CDYL: variants seen among roughly 807,000 people sequenced by gnomAD.
CDYL encodes the protein chromodomain Y like.
CDYL carries 8 observed loss-of-function variants against 47.3 expected under a neutral mutation model. The observed-to-expected ratio is 0.17, with a 90% CI of 0.10 to 0.31. The LOEUF is 0.31. Ranked by LOEUF, CDYL falls within the 10% of genes least tolerant of loss-of-function variation. The probability of loss-of-function intolerance (pLI) is 1.00; values close to 1 mark genes in which losing one functional copy is unlikely to be tolerated. For missense variants in CDYL, 471 were observed against 701.4 expected (o/e 0.67, Z 3.71); for synonymous variants, 266 against 265.0 (o/e 1.00, Z -0.04).
At chr6:4,835,882 C>T (rs1760286436) in intron 1 of CDYL, among the ~76,000 whole-genome samples, 1 of 152,218 alleles carries the variant, frequency 6.6e-6, no homozygotes, top group Non-Finnish European at 1.5e-5. Flanking sequence ...CCCTCCGAGC[C>T]AGGTGCGGGA....
At chr6:4,775,716 G>A (rs971537728), upstream of CDYL, among the ~76,000 whole-genome samples, 2 of 148,182 alleles carry the variant, frequency 1.3e-5, no homozygotes, top group East Asian at 3.9e-4. The surrounding 1 kb of genome is among the most constrained non-coding windows in gnomAD (Gnocchi z 7.0). Context: ...GAGCTCGCCG[G>A]GCCACCCCGC....
chr6:4,929,097 A>AT (rs1362721640), intron 2 of CDYL, among the ~76,000 whole-genome samples: 1 of 152,108 alleles, frequency 6.6e-6, no homozygotes, highest in African/African-American at 2.4e-5. Context: ...CCTGAAGAAC[A>AT]TTTTTTAACA....
At chr6:4,823,796 C>G (rs1423697260) in intron 1 of CDYL, among the ~76,000 whole-genome samples, 1 of 152,142 alleles carries the variant, frequency 6.6e-6, no homozygotes, top group East Asian at 1.9e-4. Flanking sequence ...ATATTAATCA[C>G]AATGTTATAT....
intron 1 of CDYL, among the ~76,000 whole-genome samples, chr6:4,887,882 C>CT (rs879895642): frequency 0.028 from 3,576 of 126,832 alleles, 137 homozygotes; most frequent in African/African-American, 0.092. Context: ...TTACTGACTT[C>CT]TTTTTTTTTT....
chr6:4,868,800 A>G (rs187673099), intron 1 of CDYL, among the ~76,000 whole-genome samples: 12 of 152,346 alleles, frequency 7.9e-5, no homozygotes, highest in African/African-American at 2.9e-4. Context: ...TTTGAGGATC[A>G]TACATACACA....
intron 3 of CDYL, among the ~76,000 whole-genome samples, chr6:4,770,133 G>A (rs1758317387): frequency 6.6e-6 from 1 of 152,078 alleles, no homozygotes; most frequent in South Asian, 2.1e-4. Context: ...CATGGCGCCG[G>A]GCCAACATTT....
chr6:4,734,736 G>T, intron 2 of CDYL: 1 of 1,613,316 alleles, frequency 6.2e-7, no homozygotes. Flanking sequence ...ACCTCTCTCA[G>T]AAACTTTCTC....
intron 2 of CDYL, among the ~76,000 whole-genome samples, chr6:4,911,036 C>T (rs1429900680): frequency 6.6e-6 from 1 of 152,132 alleles, no homozygotes; most frequent in Non-Finnish European, 1.5e-5. Flanking sequence ...GACGGGGTTT[C>T]ACCGTGGTCT....
intron 2 of CDYL, among the ~76,000 whole-genome samples, chr6:4,901,714 A>G (rs1413154795): frequency 6.6e-6 from 1 of 152,226 alleles, no homozygotes; most frequent in African/African-American, 2.4e-5. Flanking sequence ...TATTAAGTAC[A>G]CAGTATTACT....
intron 2 of CDYL, among the ~76,000 whole-genome samples, chr6:4,914,855 T>C (rs1280726109): frequency 6.6e-6 from 1 of 152,160 alleles, no homozygotes; most frequent in African/African-American, 2.4e-5. Context: ...TTCACAGTTG[T>C]GGGAACAGGG....
At chr6:4,938,597 A>G (rs1422413858) in intron 4 of CDYL, among the ~76,000 whole-genome samples, 1 of 152,248 alleles carries the variant, frequency 6.6e-6, no homozygotes, top group African/African-American at 2.4e-5. Context: ...TGGTGAGAAC[A>G]CTTAAAATCT....
chr6:4,877,589 GATTT>G, intron 1 of CDYL, among the ~76,000 whole-genome samples: 1 of 152,170 alleles, frequency 6.6e-6, no homozygotes, highest in Non-Finnish European at 1.5e-5. Flanking sequence ...TGACCAAATA[GATTT>G]CTTGGGGATC....
intron 3 of CDYL, among the ~76,000 whole-genome samples, chr6:4,765,458 A>T (rs1314953477): frequency 4.6e-5 from 7 of 152,208 alleles, no homozygotes; most frequent in Non-Finnish European, 1.0e-4. Context: ...ATAATAATAA[A>T]AATACAAACT....
chr6:4,868,136 C>T (rs1456128453), intron 1 of CDYL, among the ~76,000 whole-genome samples: 1 of 151,640 alleles, frequency 6.6e-6, no homozygotes, highest in African/African-American at 2.4e-5. Flanking sequence ...ATTGTTTCCT[C>T]TCTTCTGCTT....
intron 1 of CDYL, among the ~76,000 whole-genome samples, chr6:4,862,598 A>C (rs1041819110): frequency 9.2e-5 from 14 of 152,250 alleles, no homozygotes; most frequent in African/African-American, 3.1e-4. Context: ...GGGGGCTGTT[A>C]AGTTAATGTG....
At chr6:4,838,600 G>A (rs767972371) in intron 1 of CDYL, among the ~76,000 whole-genome samples, 1 of 152,100 alleles carries the variant, frequency 6.6e-6, no homozygotes, top group East Asian at 1.9e-4. Context: ...AAATATAAAC[G>A]TGTGTGCAAG....
At chr6:4,848,124 T>G (rs1324166784) in intron 1 of CDYL, among the ~76,000 whole-genome samples, 1 of 152,210 alleles carries the variant, frequency 6.6e-6, no homozygotes, top group Non-Finnish European at 1.5e-5. Context: ...TTACATATGA[T>G]TCTATGAAAT....
At chr6:4,909,074 A>G (rs1444839571) in intron 2 of CDYL, among the ~76,000 whole-genome samples, 1 of 152,246 alleles carries the variant, frequency 6.6e-6, no homozygotes, top group Admixed American at 6.5e-5. Context: ...GCCCCAGGTC[A>G]TAAGATGGTG....
upstream of CDYL, among the ~76,000 whole-genome samples, chr6:4,776,166 C>T (rs1226501260): frequency 7.4e-5 from 4 of 53,788 alleles, no homozygotes; most frequent in Middle Eastern, 9.3e-3. Flanking sequence ...CCCCGCCCCC[C>T]GCGCTCGCGG....
Sources: gnomAD v4.1 joint callset for allele counts (sites outside exome capture counted in the v4.1 genomes callset) on GRCh38, gnomAD v4.1.1 for gene constraint, Gnocchi (gnomAD v3.1) non-coding constraint, MANE v1.5 for transcripts, NCBI Gene and HGNC (gene_info 2026-07-23, HGNC 2026-07-21) for gene names.